Variants in BCL2L14 observed in about 807,000 individuals in gnomAD.
BCL2L14 encodes apoptosis facilitator Bcl-2-like protein 14.
A neutral mutation model predicts 35.3 loss-of-function variants in BCL2L14; 27 were observed. That is an observed-to-expected ratio of 0.76 (90% CI 0.56 to 1.05). The LOEUF is 1.05. Ranked by LOEUF, BCL2L14 falls within the 50% of genes least tolerant of loss-of-function variation. The pLI is 0.00. For missense variants in BCL2L14, 377 were observed against 382.6 expected, an observed-to-expected ratio of 0.99 and a Z score of 0.12; for synonymous variants, 139 against 145.9, an observed-to-expected ratio of 0.95 and a Z score of 0.34.
chr12:12,093,886 G>A (rs1204916475), intron 4 of BCL2L14, among the ~76,000 whole-genome samples: 1 of 151,880 alleles, frequency 6.6e-6, no homozygotes, highest in Admixed American at 6.6e-5. Context: ...GGAGGCTGAG[G>A]TGGGTGGATC....
At chr12:12,094,602 G>T in intron 4 of BCL2L14, 62 bp from the exon 5 acceptor site, 1 of 1,614,216 alleles carries the variant, frequency 6.2e-7, no homozygotes, top group Non-Finnish European at 8.5e-7. Flanking sequence ...GCTAAAGAAT[G>T]AACTTCTGTC....
At chr12:12,077,533 G>GT (rs1388629945) in intron 1 of BCL2L14, among the ~76,000 whole-genome samples, 44 of 95,886 alleles carry the variant, frequency 4.6e-4, no homozygotes, top group African/African-American at 1.7e-3. Context: ...GCAAAACTGA[G>GT]TCTCAAAAAA....
chr12:12,096,272 G>A, intron 5 of BCL2L14: 1 of 683,408 alleles, frequency 1.5e-6, no homozygotes, highest in Non-Finnish European at 1.8e-6. Context: ...GGGTTCACAG[G>A]CTAGCTCTCA....
chr12:12,080,002 A>G (rs1212112206), intron 2 of BCL2L14, among the ~76,000 whole-genome samples: 1 of 152,130 alleles, frequency 6.6e-6, no homozygotes, highest in Non-Finnish European at 1.5e-5. Flanking sequence ...CAGGAGATTG[A>G]GACCATCCTG....
Position 12,098,977 on chromosome 12 carries a change from G to C in BCL2L14, c.973G>C (p.Glu325Gln). 6.2e-7 allele frequency: 1 copy of C among 1,600,500 alleles called. No homozygotes were observed. Among genetic ancestry groups the C allele is most frequent in the Non-Finnish European group, 8.6e-7 (1 of 1,167,570 alleles). Residue 325 changes from glutamate (E) to glutamine (Q), a missense_variant, in exon 6 of 6, where the codon GAA (glutamate) becomes CAA (glutamine). Glu to Gln is a conservative substitution (Grantham distance 29). Transcript: ENST00000308721. ...AAAAATACTTGGGATATCACATGAAGAAGTAGACTGAAATATCAGATTTGT... is the reference window on the plus strand; with the variant it reads ...AAAAATACTTGGGATATCACATGAACAAGTAGACTGAAATATCAGATTTGT... ...WEKILGISHEEVD is the reference protein window; with the variant it reads ...WEKILGISHEQVD
rs529992610 is a variant in BCL2L14, at chr12:12,086,043, G to A, written c.434-1170G>A. Among the ~76,000 whole-genome samples the A allele has an allele frequency of 6.6e-5, 10 of 152,336 alleles. No individual in the cohort carries two copies. In the South Asian group the frequency reaches 1.2e-3, roughly 19 times the overall value. ...TTTAGGATTTAGGTTGGGTGTGGTG[G>A]TGGCTCATCCTTGTAATCCTAGCAC... On this transcript the variant is annotated intron_variant, in intron 2 of 5. Coordinates refer to ENST00000308721, the MANE Select transcript of BCL2L14 (RefSeq NM_138723.2).
chr12:12,087,201 G>A lies in BCL2L14; in HGVS notation c.434-12G>A. The stretch of plus-strand genomic sequence containing the variant: ...GGGAAGGGCCTCTCAGCACCATTTT[G>A]TCTTGTTTCAGCTGTGGACCCCAAA... On this transcript the variant is annotated splice_polypyrimidine_tract_variant and intron_variant, in intron 2 of 5. Transcript: ENST00000308721. The A allele has an allele frequency of 4.3e-6, 7 of 1,613,498 alleles. No individual in the cohort carries two copies. The highest frequency in any genetic ancestry group is 5.1e-6 in the Non-Finnish European group (6 of 1,179,632).
intron 3 of BCL2L14, among the ~76,000 whole-genome samples, chr12:12,090,073 TA>T (rs1366593030): frequency 6.6e-6 from 1 of 152,120 alleles, no homozygotes; most frequent in East Asian, 1.9e-4. Context: ...GTCCATAAGA[TA>T]AAAGCACCAT....
At chr12:12,091,560 T>G (rs2448051) in intron 4 of BCL2L14, among the ~76,000 whole-genome samples, 82,537 of 151,918 alleles carry the variant, frequency 0.54, 22,662 homozygotes, top group Middle Eastern at 0.72. Flanking sequence ...CCCTTGTTTT[T>G]CCAGAATCTG....
intron 2 of BCL2L14, among the ~76,000 whole-genome samples, chr12:12,080,912 T>C (rs1948906705): frequency 6.6e-6 from 1 of 152,092 alleles, no homozygotes; most frequent in East Asian, 1.9e-4. Flanking sequence ...CACCAGGCAC[T>C]GAGGCTCATA....
chr12:12,099,026 T>C lies in BCL2L14; in HGVS notation c.*38T>C. ...GTCATCAGGAATACTCTTTGTCTAC[T>C]GTGGTCCTGTGCACGTTGGCCTCAG... is the stretch of plus-strand genomic sequence containing the variant. On this transcript the variant is annotated 3_prime_UTR_variant, in exon 6 of 6. Coordinates refer to ENST00000308721, the MANE Select transcript of BCL2L14 (RefSeq NM_138723.2). 6.7e-7 allele frequency: 1 copy of C among 1,495,412 alleles called. No homozygotes were observed. Among genetic ancestry groups the C allele is most frequent in the Middle Eastern group, 1.7e-4 (1 of 5,854 alleles). 92.6% of individuals were successfully genotyped at this position (1,495,412 alleles called of 1,614,324 possible).
chr12:12,050,793 TAAAAAAAA>T (rs3052084), intron 1 of BCL2L14, among the ~76,000 whole-genome samples: 1 of 88,330 alleles, frequency 1.1e-5, no homozygotes, highest in African/African-American at 5.2e-5. Context: ...GCTGATGAGC[TAAAAAAAA>T]AAAAAAAAAA....
At chr12:12,072,876 GT>G (rs11331613) in intron 1 of BCL2L14, among the ~76,000 whole-genome samples, 66,429 of 148,738 alleles carry the variant, frequency 0.45, 14,731 homozygotes, top group Middle Eastern at 0.51. Context: ...GTGTGGGTGG[GT>G]TTTTTTTTTT....
intron 2 of BCL2L14, among the ~76,000 whole-genome samples, chr12:12,065,437 G>A (rs1948582674): frequency 6.6e-6 from 1 of 151,860 alleles, no homozygotes; most frequent in Non-Finnish European, 1.5e-5. Flanking sequence ...TCTGGAGACT[G>A]AGGCAGGAGA....
chr12:12,066,712 ATTAT>A (rs1213546935), upstream of BCL2L14, among the ~76,000 whole-genome samples: 3 of 150,280 alleles, frequency 2.0e-5, no homozygotes, highest in African/African-American at 7.3e-5. Context: ...CATTATTATT[ATTAT>A]TTTTTTTTTT....
chr12:12,057,812 G>A (rs1006846225), intron 2 of BCL2L14, among the ~76,000 whole-genome samples: 13 of 151,086 alleles, frequency 8.6e-5, no homozygotes, highest in Non-Finnish European at 1.6e-4. Context: ...TCTGAACCAT[G>A]TGAAGAAGAT....
intron 2 of BCL2L14, among the ~76,000 whole-genome samples, chr12:12,056,140 C>A (rs1948429619): frequency 6.6e-6 from 1 of 152,142 alleles, no homozygotes; most frequent in Non-Finnish European, 1.5e-5. Flanking sequence ...GTTACAAATC[C>A]CCATTTGCCT....
intron 5 of BCL2L14, 63 bp from the exon 6 acceptor site, chr12:12,098,887 A>G (rs1949372031): frequency 8.5e-6 from 10 of 1,178,008 alleles, no homozygotes; most frequent in East Asian, 4.7e-5. Context: ...GTTAGCAGCC[A>G]TATGTTTTCA....
chr12:12,083,850 AAGGAGGAGAATCACTTG>A (rs1398561083), intron 2 of BCL2L14, among the ~76,000 whole-genome samples: 1 of 152,188 alleles, frequency 6.6e-6, no homozygotes, highest in Non-Finnish European at 1.5e-5. Context: ...CGAGAGGCTG[AAGGAGGAGAATCACTTG>A]AGCCTGGGAG....
Sources: gnomAD v4.1 joint callset for allele counts (sites outside exome capture counted in the v4.1 genomes callset) on GRCh38, gnomAD v4.1.1 for gene constraint, MANE v1.5 for transcripts, NCBI Gene and HGNC (gene_info 2026-07-23, HGNC 2026-07-21) for gene names.